VWA3A: variants seen among roughly 807,000 people sequenced by gnomAD.
VWA3A encodes the protein von Willebrand factor A domain containing 3A.
In VWA3A, 134 loss-of-function variants were observed where a neutral mutation model predicts 160.4. The observed-to-expected ratio is 0.84, with a 90% confidence interval of 0.73 to 0.96. The LOEUF (loss-of-function observed/expected upper bound fraction) is 0.96. VWA3A is among the 40% of genes least tolerant of loss of function. VWA3A has a pLI of 0.00. For synonymous variants in VWA3A, 476 were observed against 543.4 expected, an observed-to-expected ratio of 0.88 and a Z score of 1.72; for missense variants, 1,310 against 1,447.9, an observed-to-expected ratio of 0.90 and a Z score of 1.55.
intron 15 of VWA3A, 200 bp downstream of exon 15, chr16:22,123,365 A>AT: frequency 7.7e-7 from 1 of 1,300,926 alleles, no homozygotes; most frequent in Non-Finnish European, 1.0e-6. Context: ...AAAAAAAAAA[A>AT]GGCTTCTAAT....
chr16:22,109,809 A>G (rs2045528802), intron 7 of VWA3A, among the ~76,000 whole-genome samples: 1 of 152,216 alleles, frequency 6.6e-6, no homozygotes, highest in Admixed American at 6.5e-5. Context: ...TCTCACCACG[A>G]CAGTACCTGC....
chr16:22,115,903 AAGGAAGGAAGGAAGG>A (rs1477462733), intron 9 of VWA3A, among the ~76,000 whole-genome samples: 2 of 34,362 alleles, frequency 5.8e-5, no homozygotes, highest in Non-Finnish European at 8.5e-5. Context: ...GGAAGGAAGG[AAGGAAGGAAGGAAGG>A]AAGGAAAGGA....
intron 12 of VWA3A, among the ~76,000 whole-genome samples, chr16:22,119,639 CA>C (rs1478544786): frequency 6.6e-6 from 1 of 152,172 alleles, no homozygotes; most frequent in East Asian, 1.9e-4. Flanking sequence ...TGCTGTGCTC[CA>C]GCCTGGGCAA....
intron 3 of VWA3A, among the ~76,000 whole-genome samples, chr16:22,099,141 G>A (rs1338399639): frequency 2.0e-5 from 3 of 151,950 alleles, no homozygotes; most frequent in Non-Finnish European, 4.4e-5. Flanking sequence ...CCAACCAGGG[G>A]GAGGGTTGAG....
chr16:22,113,582 A>C (rs984749393), intron 8 of VWA3A, among the ~76,000 whole-genome samples: 4 of 149,990 alleles, frequency 2.7e-5, no homozygotes, highest in African/African-American at 9.8e-5. Context: ...TATTGAAAGA[A>C]ACTTTTTTGT....
intron 6 of VWA3A, among the ~76,000 whole-genome samples, chr16:22,105,198 C>CA (rs1164666773): frequency 6.6e-6 from 1 of 152,158 alleles, no homozygotes; most frequent in Non-Finnish European, 1.5e-5. Flanking sequence ...CCACGTAGGG[C>CA]ATGCTGCTCT....
At chr16:22,133,218 T>A in intron 20 of VWA3A, 123 bp downstream of exon 20, 1 of 1,143,782 alleles carries the variant, frequency 8.7e-7, no homozygotes, top group Non-Finnish European at 1.2e-6. Context: ...TTTTAAAATG[T>A]AAAACTGTTC....
chr16:22,107,150 AGT>A (rs1310568922), intron 6 of VWA3A, among the ~76,000 whole-genome samples: 1 of 152,214 alleles, frequency 6.6e-6, no homozygotes, highest in Non-Finnish European at 1.5e-5. Context: ...TGGTATTCAA[AGT>A]CATGACACTC....
chr16:22,097,489 C>G lies in VWA3A; in HGVS notation c.102-83C>G, dbSNP rs2141828358. ...AATGTTTCTAGAATCCTTGTAGGGA[C>G]TAGGGCAAAGAGAGGAGGCACTGGG... On this transcript the variant is annotated intron_variant, in intron 2 of 33. Transcript: ENST00000389398. 2.0e-6 allele frequency: 3 copies of G among 1,509,736 alleles called. No homozygotes were observed. In the South Asian group the frequency reaches 3.8e-5, roughly 19 times the overall value. The allele number at this position is 1,509,736 out of a possible 1,614,324, so 93.5% of individuals were successfully genotyped here. A position where few individuals can be genotyped will look rare whatever the true frequency, so the allele number is the denominator to read the frequency against.
chr16:22,126,085 C>G, intron 16 of VWA3A, 93 bp from the exon 17 acceptor site: 6 of 1,549,704 alleles, frequency 3.9e-6, no homozygotes, highest in Non-Finnish European at 5.2e-6. Context: ...ATGCAAAATT[C>G]CCCTGGAAAA....
intron 26 of VWA3A, among the ~76,000 whole-genome samples, chr16:22,145,727 C>T (rs1426268798): frequency 6.6e-6 from 1 of 151,656 alleles, no homozygotes; most frequent in Non-Finnish European, 1.5e-5. Context: ...TTCCCTACTC[C>T]TTTGTAGAAC....
Position 22,146,217 on chromosome 16 carries a change from T to C in VWA3A, c.2731-19T>C. On this transcript the variant is annotated intron_variant, in intron 26 of 33. Transcript: ENST00000389398. ...ATGACTGATGGGGTGGGTGCTTGCC[T>C]CTGCTTGCCTTAACCCAGGGAGTGG... The C allele has an allele frequency of 6.2e-7, 1 of 1,605,254 alleles. No individual in the cohort carries two copies. The highest frequency in any genetic ancestry group is 8.5e-7 in the Non-Finnish European group (1 of 1,173,280).
chr16:22,155,981 T>G (rs2046434737), intron 33 of VWA3A, 51 bp from the exon 34 acceptor site: 8 of 1,526,566 alleles, frequency 5.2e-6, no homozygotes, highest in Admixed American at 1.9e-5. Context: ...GCATGCTCTA[T>G]TTTGTGGTCA....
At chr16:22,115,923 A>AAGGAAGGAAGGAAGGAAGG (rs1156229417) in intron 9 of VWA3A, among the ~76,000 whole-genome samples, 19 of 19,554 alleles carry the variant, frequency 9.7e-4, no homozygotes, top group Non-Finnish European at 1.2e-3. Context: ...GGAAGGAAGG[A>AAGGAAGGAAGGAAGGAAGG]AAGGAAAGGA....
intron 2 of VWA3A, among the ~76,000 whole-genome samples, chr16:22,097,286 G>A (rs190738230): frequency 1.2e-4 from 18 of 151,704 alleles, no homozygotes; most frequent in African/African-American, 3.9e-4. Context: ...TTTTGCAAAC[G>A]AAAACAGCAA....
At chr16:22,131,844 A>G (rs2045955004) in intron 19 of VWA3A, 115 bp downstream of exon 19, 4 of 1,383,584 alleles carry the variant, frequency 2.9e-6, no homozygotes, top group Non-Finnish European at 3.9e-6. Context: ...TGCTTCTCAA[A>G]CTTTAATGTA....
intron 26 of VWA3A, among the ~76,000 whole-genome samples, chr16:22,144,645 G>A (rs7206507): frequency 0.063 from 9,540 of 152,092 alleles, 544 homozygotes; most frequent in African/African-American, 0.15. Flanking sequence ...GGCCAGGTGC[G>A]GTGACTCCTG....
In VWA3A at chr16:22,155,846, A is replaced by T. The variant is rs1268692502; in HGVS notation, c.3504-5A>T. ...GACCATCTTTCTTCATCTCCTGCCCACCAGATCCCAACTCCAGAAGAAAAA... is the reference window on the plus strand; with the variant it reads ...GACCATCTTTCTTCATCTCCTGCCCTCCAGATCCCAACTCCAGAAGAAAAA... On this transcript the variant is annotated splice_region_variant and splice_polypyrimidine_tract_variant and intron_variant, in intron 32 of 33. Coordinates refer to ENST00000389398, the MANE Select transcript of VWA3A (RefSeq NM_173615.5). The T allele has an allele frequency of 6.2e-7, 1 of 1,613,762 alleles. No individual in the cohort carries two copies. Among genetic ancestry groups the T allele is most frequent in the East Asian group, 2.2e-5 (1 of 44,886 alleles).
chr16:22,127,910 G>C (rs2045880053), intron 17 of VWA3A, among the ~76,000 whole-genome samples: 6 of 152,182 alleles, frequency 3.9e-5, no homozygotes, highest in Admixed American at 3.9e-4. Context: ...CATTCCACTT[G>C]GGTGGAGTAG....
Sources: allele counts gnomAD v4.1 joint callset (sites outside exome capture counted in the v4.1 genomes callset), GRCh38; gene constraint gnomAD v4.1.1; transcripts MANE v1.5; gene names NCBI Gene and HGNC (gene_info 2026-07-23, HGNC 2026-07-21).